The following NCAPG2 variants were observed in gnomAD, a reference collection of about 807,000 sequenced individuals.
NCAPG2 encodes non-SMC condensin II complex subunit G2, also known as condensin-2 complex subunit G2.
Under a neutral mutation model 141.1 loss-of-function variants are expected in NCAPG2, and 53 were observed. That is an observed-to-expected ratio of 0.38 (90% CI 0.30 to 0.47). NCAPG2 has a LOEUF of 0.47. Ranked by LOEUF, NCAPG2 falls within the 20% of genes least tolerant of loss-of-function variation. The pLI is 0.99. For synonymous variants in NCAPG2, 499 were observed against 490.7 expected (o/e 1.02, Z -0.22); for missense variants, 1,087 against 1,389.0 (o/e 0.78, Z 3.46).
chr7:158,651,566 C>T (rs1347614038), intron 23 of NCAPG2, among the ~76,000 whole-genome samples: 1 of 152,162 alleles, frequency 6.6e-6, no homozygotes, highest in Non-Finnish European at 1.5e-5. Context: ...AATAATAGCT[C>T]ATTGATATTT....
At position 158,664,285 on chromosome 7, in the gene NCAPG2, G is replaced by A. The variant is rs1320456312; in HGVS notation, c.1714C>T (p.His572Tyr). The A allele has an allele frequency of 6.2e-7, 1 of 1,612,480 alleles. No individual in the cohort carries two copies. The highest frequency in any genetic ancestry group is 1.7e-5 in the Admixed American group (1 of 60,016). The change falls in exon 15 of 28, where the codon CAC (histidine) becomes TAC (tyrosine). Residue 572 changes from histidine (H) to tyrosine (Y), a missense_variant. Coordinates refer to ENST00000356309, the MANE Select transcript of NCAPG2 (RefSeq NM_017760.7). ...GCATTTAAGCAATGACGAATAACGT[G>A]AATCAGCTTTGCTGAAATGTTTAGG... ...TACTNIAKLI[H>Y]VIRHCLNACI...
chr7:158,686,582 T>C (rs971361295), intron 7 of NCAPG2, among the ~76,000 whole-genome samples: 5 of 152,198 alleles, frequency 3.3e-5, no homozygotes, highest in Non-Finnish European at 7.3e-5. Flanking sequence ...TGGAGTCACG[T>C]TGGACTTTTC....
chr7:158,672,757 T>G (rs907873646), intron 12 of NCAPG2, among the ~76,000 whole-genome samples: 1 of 152,138 alleles, frequency 6.6e-6, no homozygotes. Context: ...GTCCACAGCC[T>G]CCTCTTGATC....
intron 13 of NCAPG2, chr7:158,668,147 CCCTCCACCCT>C (rs1833333906): frequency 6.8e-6 from 2 of 292,234 alleles, no homozygotes; most frequent in African/African-American, 3.4e-5. Flanking sequence ...TACCCTCTGG[CCCTCCACCCT>C]CTTACCCACT....
intron 8 of NCAPG2, among the ~76,000 whole-genome samples, chr7:158,684,456 T>C (rs901162253): frequency 2.9e-4 from 44 of 152,238 alleles, no homozygotes; most frequent in African/African-American, 8.4e-4. Context: ...TAAGGAGACA[T>C]TTGAGATCAC....
intron 25 of NCAPG2, 138 bp downstream of exon 25, chr7:158,646,321 GA>G (rs752116230): frequency 1.8e-5 from 11 of 597,582 alleles, no homozygotes; most frequent in Admixed American, 3.7e-5. Context: ...ATAAAATGGA[GA>G]AAAAATTATA....
intron 16 of NCAPG2, among the ~76,000 whole-genome samples, chr7:158,661,458 T>G: frequency 6.7e-6 from 1 of 149,246 alleles, no homozygotes; most frequent in African/African-American, 2.5e-5. Flanking sequence ...CAGAGAAGAG[T>G]GGTGGGGGTG....
At chr7:158,677,511 T>C (rs1179127761) in intron 11 of NCAPG2, among the ~76,000 whole-genome samples, 2 of 26,312 alleles carry the variant, frequency 7.6e-5, no homozygotes, top group African/African-American at 1.7e-4. Context: ...GAAAAAAAGA[T>C]GATAAAAATA....
rs574317217 is a variant in NCAPG2 at position 158,664,850 on chromosome 7, A to G, written c.1480-100T>C. The G allele has an allele frequency of 5.0e-5, 47 of 948,358 alleles. No homozygotes were observed. The South Asian group carries it at 8.3e-4, about 17-fold the overall frequency. The allele number at this position is 948,358 out of a possible 1,614,324, so 58.7% of individuals were successfully genotyped here. On this transcript the variant is annotated intron_variant, in intron 13 of 27. Transcript: ENST00000356309. ...TCAAGCACAACCAAAAAAGGAACTA[A>G]TTTTTATATTTAAAAAAATTCACTT... is the stretch of plus-strand genomic sequence containing the variant.
chr7:158,684,949 A>G (rs1423880257), intron 8 of NCAPG2, among the ~76,000 whole-genome samples: 1 of 152,244 alleles, frequency 6.6e-6, no homozygotes, highest in East Asian at 1.9e-4. Flanking sequence ...AAACCCAGAC[A>G]TGGGGCAGCC....
At chr7:158,693,787 A>C (rs1287813020) in intron 2 of NCAPG2, among the ~76,000 whole-genome samples, 1 of 152,236 alleles carries the variant, frequency 6.6e-6, no homozygotes, top group Non-Finnish European at 1.5e-5. Context: ...TTACAAAAGT[A>C]GGCTAAAGTT....
At chr7:158,644,711 T>G (rs62478289) in intron 26 of NCAPG2, among the ~76,000 whole-genome samples, 205 of 152,282 alleles carry the variant, frequency 1.3e-3, no homozygotes, top group Non-Finnish European at 2.2e-3. Flanking sequence ...TAAGGATGTA[T>G]TAAGGGCAAG....
chr7:158,644,243 A>G, intron 27 of NCAPG2, 46 bp downstream of exon 27: 2 of 1,468,612 alleles, frequency 1.4e-6, no homozygotes, highest in Non-Finnish European at 9.5e-7. Flanking sequence ...CCAAAGAAGA[A>G]TGAGCAGTTT....
intron 2 of NCAPG2, among the ~76,000 whole-genome samples, chr7:158,695,622 G>T (rs981038602): frequency 2.0e-5 from 3 of 152,252 alleles, no homozygotes; most frequent in Non-Finnish European, 4.4e-5. Flanking sequence ...GGCAAGGAAA[G>T]GATGGGGGAC....
intron 24 of NCAPG2, among the ~76,000 whole-genome samples, chr7:158,648,927 CCAAATGGACTATAACCACGG>C (rs1563505363): frequency 9.9e-5 from 14 of 141,274 alleles, no homozygotes; most frequent in East Asian, 5.2e-4. Context: ...TATAACCACG[CCAAATGGACTATAACCACGG>C]CAAATGGACT....
chr7:158,631,384 A>C lies in NCAPG2; in HGVS notation c.*282T>G. On this transcript the variant is annotated 3_prime_UTR_variant, in exon 28 of 28. Transcript: ENST00000356309. ...TATAAAAGTCATTTTAAAAACAACC[A>C]GGTTTGCTAGAAAAGTGTTTTTTCT... 1 of 407,762 alleles carries C rather than the reference A, an allele frequency of 2.5e-6. No homozygotes were observed. Among genetic ancestry groups the C allele is most frequent in the Non-Finnish European group, 4.3e-6 (1 of 232,928 alleles). The allele number at this position is 407,762 out of a possible 1,614,324, so 25.3% of individuals were successfully genotyped here.
At chr7:158,663,765 T>C (rs1057158530) in intron 15 of NCAPG2, among the ~76,000 whole-genome samples, 3 of 152,228 alleles carry the variant, frequency 2.0e-5, no homozygotes, top group African/African-American at 4.8e-5. Flanking sequence ...AAGTAACAAG[T>C]TTGTCTAAGT....
chr7:158,697,403 A>G (rs1587309397), intron 2 of NCAPG2, among the ~76,000 whole-genome samples: 1 of 152,240 alleles, frequency 6.6e-6, no homozygotes, highest in Non-Finnish European at 1.5e-5. Flanking sequence ...GGAGTTTGAG[A>G]CCAGCCTGGC....
In NCAPG2 at chr7:158,695,168, A is replaced by G. The variant is rs184929717; in HGVS notation, c.79-1671T>C. On this transcript the variant is annotated intron_variant, in intron 2 of 27. Transcript: ENST00000356309. ...ACAGCTACTGTGTTCAAAGATCAAG[A>G]GGTTCTATTCAGGGCAAACTCTGGT... Among the ~76,000 whole-genome samples the G allele has an allele frequency of 9.9e-3, 1,502 of 152,224 alleles. 10 individuals are homozygous for G. Among genetic ancestry groups the G allele is most frequent in the Admixed American group, 0.012 (180 of 15,292 alleles).
Sources: gnomAD v4.1 joint callset for allele counts (sites outside exome capture counted in the v4.1 genomes callset) on GRCh38, gnomAD v4.1.1 for gene constraint, MANE v1.5 for transcripts, NCBI Gene and HGNC (gene_info 2026-07-23, HGNC 2026-07-21) for gene names.